Variants in MTUS1 observed in about 807,000 individuals in gnomAD.
The protein encoded by MTUS1 is microtubule-associated tumor suppressor 1.
Under a neutral mutation model 120.8 loss-of-function variants are expected in MTUS1, and 109 were observed. The observed-to-expected ratio is 0.90, with a 90% CI of 0.77 to 1.06. The LOEUF is 1.06. Among genes scored for constraint, MTUS1 ranks in the 50% least tolerant of loss-of-function variants. The pLI is 0.00. For synonymous variants in MTUS1, 737 were observed against 550.5 expected, an observed-to-expected ratio of 1.34 and a Z score of -4.74; for missense variants, 2,210 against 1,486.3, an observed-to-expected ratio of 1.49 and a Z score of -8.01.
At chr8:17,664,867 C>A (rs574981392) in intron 8 of MTUS1, among the ~76,000 whole-genome samples, 1 of 152,044 alleles carries the variant, frequency 6.6e-6, no homozygotes, top group African/African-American at 2.4e-5. Flanking sequence ...ACCAAGAAGT[C>A]ATTTTTAAAC....
At chr8:17,740,220 GGAAAA>G (rs1377767088) in intron 3 of MTUS1, among the ~76,000 whole-genome samples, 1 of 104,476 alleles carries the variant, frequency 9.6e-6, no homozygotes, top group African/African-American at 3.3e-5. Context: ...AAAAAAAAAA[GGAAAA>G]GAAAAAGGAA....
intron 6 of MTUS1, chr8:17,693,282 ACTT>A (rs1817313075): frequency 6.6e-6 from 1 of 152,120 alleles, no homozygotes. Flanking sequence ...TCATCACTGG[ACTT>A]CTTAGATTTT....
At chr8:17,706,387 C>T (rs7460144) in intron 6 of MTUS1, among the ~76,000 whole-genome samples, 150,480 of 152,260 alleles carry the variant, frequency 0.99, 74,386 homozygotes, top group East Asian at 1. Context: ...TTTAAACCAA[C>T]ATCCCGTGCC....
chr8:17,726,888 T>A (rs1357393444), intron 3 of MTUS1, among the ~76,000 whole-genome samples: 1 of 152,188 alleles, frequency 6.6e-6, no homozygotes, highest in Non-Finnish European at 1.5e-5. Flanking sequence ...AGCCAAGGCT[T>A]CCTACATTTT....
intron 1 of MTUS1, among the ~76,000 whole-genome samples, chr8:17,775,250 T>C (rs942174365): frequency 2.0e-5 from 3 of 152,150 alleles, no homozygotes; most frequent in Non-Finnish European, 2.9e-5. Flanking sequence ...GTAAATTTCA[T>C]GTTATATATA....
At position 17,647,081 on chromosome 8, in the gene MTUS1, T is replaced by C. The variant is rs1320456534; in HGVS notation, c.3502-2A>G. 3 of 1,612,112 alleles carry C rather than the reference T, an allele frequency of 1.9e-6. No individual in the cohort carries two copies. Among genetic ancestry groups the C allele is most frequent in the Non-Finnish European group, 2.5e-6 (3 of 1,179,072 alleles). Reference sequence around the variant, plus strand: ...AACCAATGCTGTGTTGTTGTCCACCTTGGCATAAACAAGAATTCCAACATT... The same window carrying C: ...AACCAATGCTGTGTTGTTGTCCACCCTGGCATAAACAAGAATTCCAACATT... On this transcript the variant is annotated splice_acceptor_variant, in intron 13 of 14. Transcript: ENST00000693296. LOFTEE classifies it high-confidence loss of function.
intron 6 of MTUS1, among the ~76,000 whole-genome samples, chr8:17,709,580 G>C (rs73204284): frequency 0.033 from 5,078 of 152,108 alleles, 122 homozygotes; most frequent in Non-Finnish European, 0.052. Flanking sequence ...ATACCTGGGA[G>C]ATATATATCA....
Position 17,786,163 on chromosome 8 carries a change from C to T in MTUS1, c.-155+14898G>A, listed in dbSNP as rs148869192. 5.3e-5 allele frequency among the ~76,000 whole-genome samples: 8 copies of T among 152,154 alleles called. No homozygotes were observed. In the East Asian group the frequency reaches 1.6e-3, roughly 30 times the overall value. ...TCTGGAAAAAACAAACAAAAAAAAG[C>T]AGCTTAGAACACGTCAAGGAAGGTC... On this transcript the variant is annotated intron_variant, in intron 1 of 14. Coordinates refer to ENST00000693296, the MANE Select transcript of MTUS1 (RefSeq NM_001363059.2).
At position 17,753,965 on chromosome 8, in the gene MTUS1, C is replaced by T. The variant is rs759593858; in HGVS notation, c.1843G>A (p.Val615Ile). The change falls in exon 2 of 15, where the codon GTT becomes ATT. Residue 615 changes from valine (V) to isoleucine (I), a missense_variant. By Grantham distance (29) the Val-to-Ile change is conservative. Transcript: ENST00000693296. ...TSAVKSNQED[V>I]DKASSSNSAC... ...GAGTTAGAAGAACTGGCTTTGTCAACATCTTCCTGATTCGATTTCACGGCA... is the reference window on the plus strand; with the variant it reads ...GAGTTAGAAGAACTGGCTTTGTCAATATCTTCCTGATTCGATTTCACGGCA... 5 of 1,614,092 alleles carry T rather than the reference C, an allele frequency of 3.1e-6. No homozygotes were observed. The East Asian group carries it at 1.1e-4, about 36-fold the overall frequency.
At chr8:17,673,933 G>C (rs1177036460) in intron 8 of MTUS1, among the ~76,000 whole-genome samples, 1 of 152,160 alleles carries the variant, frequency 6.6e-6, no homozygotes, top group Non-Finnish European at 1.5e-5. Context: ...ATGTTACCTT[G>C]CATTATTCAT....
In MTUS1 at chr8:17,684,479, G is replaced by A. The variant is rs550402091; in HGVS notation, c.2687C>T (p.Ala896Val). ...TTCAAGTGTTTTCTCAGGGGGCAGCGCATCGGGAGCTGTCTGTGGCTGGAT... is the reference window on the plus strand; with the variant it reads ...TTCAAGTGTTTTCTCAGGGGGCAGCACATCGGGAGCTGTCTGTGGCTGGAT... The part of the protein sequence containing the change: ...LCIQPQTAPD[A>V]LPPEKTLELT... Residue 896 changes from alanine (A) to valine (V), a missense_variant, in exon 7 of 15, where the codon GCG becomes GTG. Coordinates refer to ENST00000693296, the MANE Select transcript of MTUS1 (RefSeq NM_001363059.2). 104 of 1,614,130 alleles carry A rather than the reference G, an allele frequency of 6.4e-5. No individual in the cohort carries two copies. Among genetic ancestry groups the A allele is most frequent in the South Asian group, 5.8e-4 (53 of 91,078 alleles).
Position 17,739,222 on chromosome 8 carries a change from G to A in MTUS1, c.2287+4382C>T, listed in dbSNP as rs148570078. Among the ~76,000 whole-genome samples, 1,291 of 152,158 alleles carry A rather than the reference G, an allele frequency of 8.5e-3. 17 individuals are homozygous for A. Among genetic ancestry groups the A allele is most frequent in the African/African-American group, 0.028 (1,181 of 41,500 alleles). On this transcript the variant is annotated intron_variant, in intron 3 of 14. Transcript: ENST00000693296. ...TAAAAATAAAACTCAGGCCAGGCGC[G>A]GTGGCTCACTCCTGTAATCCCAGCA... is the stretch of plus-strand genomic sequence containing the variant.
At chr8:17,787,096 C>T (rs142744035) in intron 1 of MTUS1, among the ~76,000 whole-genome samples, 28 of 152,174 alleles carry the variant, frequency 1.8e-4, no homozygotes, top group African/African-American at 6.8e-4. Flanking sequence ...TGTGTAAACA[C>T]AGTGTTTGGC....
At chr8:17,780,077 G>A (rs1359927389) in intron 1 of MTUS1, among the ~76,000 whole-genome samples, 2 of 152,134 alleles carry the variant, frequency 1.3e-5, no homozygotes, top group Non-Finnish European at 2.9e-5. Context: ...CCTCATGAAT[G>A]GCTTGGGGCT....
At chr8:17,662,094 T>A (rs1257632330) in intron 8 of MTUS1, among the ~76,000 whole-genome samples, 1 of 152,118 alleles carries the variant, frequency 6.6e-6, no homozygotes, top group Admixed American at 6.5e-5. Context: ...TTTTAGGCCA[T>A]GGACTTTCCT....
At chr8:17,649,374 C>T (rs1353098176) in intron 13 of MTUS1, among the ~76,000 whole-genome samples, 1 of 152,170 alleles carries the variant, frequency 6.6e-6, no homozygotes, top group Non-Finnish European at 1.5e-5. Context: ...TCTTTTATCA[C>T]ATGCTAATTC....
intron 1 of MTUS1, chr8:17,758,115 C>G (rs963538048): frequency 6.6e-6 from 1 of 152,146 alleles, no homozygotes; most frequent in South Asian, 2.1e-4. Flanking sequence ...GAAAAAATGC[C>G]ATTTCGTGTG....
chr8:17,710,225 T>C (rs1407044284), intron 6 of MTUS1, among the ~76,000 whole-genome samples: 1 of 152,158 alleles, frequency 6.6e-6, no homozygotes, highest in Admixed American at 6.5e-5. Context: ...CAATTGACTC[T>C]TTCATGAAAG....
chr8:17,661,699 A>G (rs775859026), intron 8 of MTUS1, among the ~76,000 whole-genome samples: 2 of 151,908 alleles, frequency 1.3e-5, no homozygotes, highest in African/African-American at 4.8e-5. Context: ...GAGAGGACAC[A>G]TGGGAAGAAA....
Sources: gnomAD v4.1 joint callset for allele counts (sites outside exome capture counted in the v4.1 genomes callset) on GRCh38, gnomAD v4.1.1 for gene constraint, MANE v1.5 for transcripts, NCBI Gene and HGNC (gene_info 2026-07-23, HGNC 2026-07-21) for gene names.